Variants in DLG2 observed in about 807,000 individuals in gnomAD.
DLG2 encodes the protein disks large homolog 2.
In DLG2, 45 loss-of-function variants were observed where a neutral mutation model predicts 132.5. The observed-to-expected ratio is 0.34, with a 90% CI of 0.27 to 0.44. The LOEUF (loss-of-function observed/expected upper bound fraction) is 0.44. DLG2 is among the 20% of genes least tolerant of loss of function. The pLI is 1.00. For missense variants in DLG2, 1,045 were observed against 1,196.9 expected (o/e 0.87, Z 1.87); for synonymous variants, 424 against 419.6 (o/e 1.01, Z -0.13).
chr11:84,729,916 C>T (rs911604090), intron 6 of DLG2, among the ~76,000 whole-genome samples: 1 of 151,904 alleles, frequency 6.6e-6, no homozygotes, highest in Non-Finnish European at 1.5e-5. Flanking sequence ...CCAGCCTATT[C>T]GTTCTGAATC....
intron 3 of DLG2, among the ~76,000 whole-genome samples, chr11:85,530,898 C>G (rs2153191747): frequency 6.6e-6 from 1 of 152,304 alleles, no homozygotes; most frequent in South Asian, 2.1e-4. Flanking sequence ...TTCAAAGCCA[C>G]TTACTTTGAC....
At chr11:85,381,377 A>C (rs964609465) in intron 3 of DLG2, among the ~76,000 whole-genome samples, 9 of 152,046 alleles carry the variant, frequency 5.9e-5, no homozygotes, top group African/African-American at 1.2e-4. Context: ...TCTATGAAAA[A>C]CTCACAGCTA....
intron 6 of DLG2, among the ~76,000 whole-genome samples, chr11:84,845,842 G>A (rs1199150046): frequency 3.3e-5 from 5 of 151,838 alleles, no homozygotes; most frequent in Non-Finnish European, 2.9e-5. Flanking sequence ...AACACACCCA[G>A]CTAATTTTTG....
chr11:84,921,497 A>C (rs1166814803), intron 6 of DLG2, among the ~76,000 whole-genome samples: 4 of 152,162 alleles, frequency 2.6e-5, no homozygotes, highest in Admixed American at 2.0e-4. Flanking sequence ...TATGAATTTA[A>C]ATGAGAAAAA....
At chr11:84,155,466 C>T (rs2095409914) in intron 9 of DLG2, among the ~76,000 whole-genome samples, 1 of 150,952 alleles carries the variant, frequency 6.6e-6, no homozygotes, top group Non-Finnish European at 1.5e-5. Flanking sequence ...TCTAGTCAGC[C>T]GTCTAGTCCC....
chr11:84,670,115 T>C (rs1374128280), intron 6 of DLG2, among the ~76,000 whole-genome samples: 1 of 152,160 alleles, frequency 6.6e-6, no homozygotes, highest in South Asian at 2.1e-4. Context: ...GAAGACTTCC[T>C]CTTGAATGAG....
chr11:83,852,826 G>A (rs573360765), intron 16 of DLG2, among the ~76,000 whole-genome samples: 104 of 152,270 alleles, frequency 6.8e-4, no homozygotes, highest in African/African-American at 2.3e-3. Context: ...CAGGAAAAAA[G>A]AGGAAGAGCA....
At chr11:83,841,560 T>C (rs1170690886) in intron 16 of DLG2, among the ~76,000 whole-genome samples, 1 of 152,174 alleles carries the variant, frequency 6.6e-6, no homozygotes, top group Non-Finnish European at 1.5e-5. Context: ...TTTATTTGAC[T>C]CCCTTTCTAG....
At chr11:84,344,959 G>GA (rs1001029308) in intron 7 of DLG2, among the ~76,000 whole-genome samples, 11 of 151,566 alleles carry the variant, frequency 7.3e-5, no homozygotes, top group Non-Finnish European at 1.2e-4. Flanking sequence ...AAGCTGAAGT[G>GA]AAAAAAAAGA....
intron 3 of DLG2, among the ~76,000 whole-genome samples, chr11:85,477,649 C>T (rs903694823): frequency 2.6e-5 from 4 of 152,124 alleles, no homozygotes; most frequent in Admixed American, 6.5e-5. Context: ...ATAGCCTCTA[C>T]CTAAAACATA....
chr11:85,079,947 T>A (rs111484263), intron 6 of DLG2, among the ~76,000 whole-genome samples: 3 of 152,216 alleles, frequency 2.0e-5, no homozygotes, highest in Admixed American at 6.5e-5. Flanking sequence ...TATCTTGATA[T>A]CCTCTCAGTA....
chr11:83,498,204 G>A (rs1267910722), intron 21 of DLG2, among the ~76,000 whole-genome samples: 2 of 151,992 alleles, frequency 1.3e-5, no homozygotes, highest in Non-Finnish European at 1.5e-5. Flanking sequence ...TTTAATCTCT[G>A]AGCCTCAGTT....
At chr11:84,884,456 A>C (rs1415658198) in intron 6 of DLG2, among the ~76,000 whole-genome samples, 1 of 152,162 alleles carries the variant, frequency 6.6e-6, no homozygotes, top group Non-Finnish European at 1.5e-5. Flanking sequence ...AAAATAAATT[A>C]TAATATTATG....
intron 17 of DLG2, among the ~76,000 whole-genome samples, chr11:83,811,428 TCATATGGTTCAGCCTAATAA>T (rs1354916144): frequency 1.3e-5 from 2 of 152,040 alleles, no homozygotes; most frequent in African/African-American, 2.4e-5. Flanking sequence ...AATGGCAACT[TCATATGGTTCAGCCTAATAA>T]CATTATTAAT....
At chr11:84,092,937 G>A (rs1225675917) in intron 10 of DLG2, among the ~76,000 whole-genome samples, 1 of 151,542 alleles carries the variant, frequency 6.6e-6, no homozygotes, top group Non-Finnish European at 1.5e-5. Context: ...TCAAGAGGCT[G>A]AGGCAGAAGA....
chr11:83,881,975 C>A (rs116814771), intron 15 of DLG2, among the ~76,000 whole-genome samples: 7 of 151,848 alleles, frequency 4.6e-5, no homozygotes, highest in African/African-American at 1.2e-4. Flanking sequence ...GAGATAAGAT[C>A]AAAAAATATT....
chr11:83,832,161 G>C (rs1442167055), intron 17 of DLG2, among the ~76,000 whole-genome samples: 4 of 152,142 alleles, frequency 2.6e-5, no homozygotes, highest in Non-Finnish European at 5.9e-5. Flanking sequence ...TAAGTCAGAG[G>C]TCCATTGAAC....
intron 6 of DLG2, among the ~76,000 whole-genome samples, chr11:84,818,970 G>A (rs2077367765): frequency 6.6e-6 from 1 of 151,482 alleles, no homozygotes; most frequent in Admixed American, 6.6e-5. Context: ...CTGTTTCACA[G>A]GTGGGCAGAA....
chr11:84,010,640 A>G (rs1279306972), intron 11 of DLG2, among the ~76,000 whole-genome samples: 1 of 152,106 alleles, frequency 6.6e-6, no homozygotes, highest in Non-Finnish European at 1.5e-5. Flanking sequence ...TTGATATGCT[A>G]GGAAAAGTCC....
Sources: gnomAD v4.1 joint callset for allele counts (sites outside exome capture counted in the v4.1 genomes callset) on GRCh38, gnomAD v4.1.1 for gene constraint, MANE v1.5 for transcripts, NCBI Gene and HGNC (gene_info 2026-07-23, HGNC 2026-07-21) for gene names.